Variants in PIGS observed in about 807,000 individuals in gnomAD.
PIGS encodes phosphatidylinositol glycan anchor biosynthesis class S.
PIGS carries 37 observed loss-of-function variants against 58.2 expected under a neutral mutation model. The ratio of observed to expected loss-of-function variants is 0.64; its 90% CI spans 0.49 to 0.84. PIGS has a LOEUF of 0.84. PIGS is among the 40% of genes least tolerant of loss of function. The pLI, the probability that PIGS is intolerant of heterozygous loss-of-function variation, is 0.00. For missense variants in PIGS, 629 were observed against 710.8 expected (o/e 0.88, Z 1.31); for synonymous variants, 269 against 289.2 (o/e 0.93, Z 0.71).
intron 5 of PIGS, chr17:28,561,861 C>T (rs2070366784): frequency 4.2e-6 from 2 of 472,582 alleles, no homozygotes; most frequent in Non-Finnish European, 7.5e-6. Context: ...CAGGCAGCAT[C>T]TAACTCTTCA....
intron 5 of PIGS, 87 bp downstream of exon 5, chr17:28,563,344 T>G: frequency 8.9e-7 from 1 of 1,121,934 alleles, no homozygotes. Context: ...ATGGAAGAAA[T>G]GGGTAGCAAT....
chr17:28,560,650 C>T (rs561227735), intron 6 of PIGS, among the ~76,000 whole-genome samples: 17 of 152,044 alleles, frequency 1.1e-4, no homozygotes, highest in Admixed American at 2.0e-4. Flanking sequence ...TGGTGGTGGG[C>T]GCCTGTAATC....
chr17:28,570,473 T>TG (rs2070420354), intron 3 of PIGS, among the ~76,000 whole-genome samples: 1 of 152,228 alleles, frequency 6.6e-6, no homozygotes, highest in Non-Finnish European at 1.5e-5. Flanking sequence ...ATGGCGCCAC[T>TG]GCACTCCAGC....
chr17:28,569,400 A>C (rs887597583), intron 3 of PIGS, among the ~76,000 whole-genome samples: 5 of 151,348 alleles, frequency 3.3e-5, no homozygotes, highest in Non-Finnish European at 1.5e-5. Flanking sequence ...GCTTGAGCCC[A>C]ATAGGTCAAG....
intron 10 of PIGS, chr17:28,555,354 C>T (rs987820280): frequency 7.7e-6 from 3 of 390,108 alleles, no homozygotes; most frequent in African/African-American, 6.4e-5. Context: ...ATAACACCAA[C>T]TCAGTTTAAT....
chr17:28,556,222 TG>T lies in PIGS; in HGVS notation c.1124del (p.Pro375GlnfsTer2). On this transcript the variant is annotated frameshift_variant, in exon 10 of 12. Transcript: ENST00000308360. LOFTEE classifies it high-confidence loss of function. ...DSKTYNASVL[P>X]VRVEVDMVRV... ...GCACCATGTCCACCTCGACTCTCAC[TG>T]GCAGCACTGAGGCATTATAGGTTTT... is the stretch of plus-strand genomic sequence containing the variant. The T allele has an allele frequency of 6.2e-7, 1 of 1,614,026 alleles. No homozygotes were observed. Among genetic ancestry groups the T allele is most frequent in the Non-Finnish European group, 8.5e-7 (1 of 1,179,902 alleles).
rs147358449 is a variant in PIGS, at chr17:28,571,148, C to A, written c.75G>T (p.Ala25=). Residue 25 remains alanine (A), a synonymous_variant, in exon 2 of 12, where the codon GCG becomes GCT. Transcript: ENST00000308360. ...GCGGTAGCCCCAGCACGATGGCCAC[C>A]GCAGCGAAGAAGAGGGCGGCGCGCT... ...RGKRAALFFA[A]VAIVLGLPLW... is the part of the protein sequence containing the mutation. 5.6e-6 allele frequency: 9 copies of A among 1,613,762 alleles called. No individual in the cohort carries two copies. The highest frequency in any genetic ancestry group is 7.6e-6 in the Non-Finnish European group (9 of 1,180,030).
chr17:28,559,899 C>A (rs989735548), intron 7 of PIGS, 150 bp downstream of exon 7: 3 of 1,005,540 alleles, frequency 3.0e-6, no homozygotes, highest in African/African-American at 1.7e-5. Flanking sequence ...CACACACGCA[C>A]CCCCAGTACC....
chr17:28,566,698 A>T (rs1041237527), intron 3 of PIGS, among the ~76,000 whole-genome samples: 4 of 151,834 alleles, frequency 2.6e-5, no homozygotes, highest in Non-Finnish European at 5.9e-5. Context: ...GGTTCAAGCA[A>T]TTCTCCTGTC....
At position 28,554,069 on chromosome 17, in the gene PIGS, G is replaced by T; in HGVS notation, c.*151C>A. On this transcript the variant is annotated 3_prime_UTR_variant, in exon 12 of 12. Transcript: ENST00000308360. ...AAGGAAGAAAAGATGAACCCATCTT[G>T]GAGTGTTGTACTTTGGTTGCTGGAG... 1 of 965,682 alleles carries T rather than the reference G, an allele frequency of 1.0e-6. No individual in the cohort carries two copies. Among genetic ancestry groups the T allele is most frequent in the Non-Finnish European group, 1.5e-6 (1 of 649,368 alleles). 59.8% of individuals were successfully genotyped at this position (965,682 alleles called of 1,614,324 possible).
At chr17:28,556,141 C>CT in intron 10 of PIGS, 25 bp downstream of exon 10, 1 of 1,583,408 alleles carries the variant, frequency 6.3e-7, no homozygotes, top group Middle Eastern at 1.7e-4. Flanking sequence ...GACTATGTCC[C>CT]CAAGTGGATC....
chr17:28,558,646 C>A, intron 7 of PIGS, 56 bp from the exon 8 acceptor site: 1 of 1,411,984 alleles, frequency 7.1e-7, no homozygotes, highest in Non-Finnish European at 9.8e-7. Context: ...TACTTTCTCC[C>A]AAAAAAGATT....
intron 5 of PIGS, 82 bp from the exon 6 acceptor site, chr17:28,561,711 C>A: frequency 7.1e-7 from 1 of 1,415,628 alleles, no homozygotes; most frequent in South Asian, 1.3e-5. Context: ...TGTTCCGAAT[C>A]TGCCCCTTTG....
At chr17:28,554,572 C>T in intron 11 of PIGS, 77 bp from the exon 12 acceptor site, 1 of 1,496,264 alleles carries the variant, frequency 6.7e-7, no homozygotes, top group Admixed American at 1.8e-5. Flanking sequence ...CCTTACTGTG[C>T]CTTCCATCTA....
chr17:28,554,920 G>A lies in PIGS; in HGVS notation c.1323C>T (p.Thr441=), dbSNP rs376669988. The A allele has an allele frequency of 6.2e-7, 1 of 1,613,936 alleles. No homozygotes were observed. The highest frequency in any genetic ancestry group is 1.3e-5 in the African/African-American group (1 of 74,916). Residue 441 remains threonine, a synonymous_variant, in exon 11 of 12, where the codon ACC becomes ACT. Coordinates refer to ENST00000308360, the MANE Select transcript of PIGS (RefSeq NM_033198.4). ...CCAGAAGCTGCGCCAGGGAGGTAAG[G>A]GTGGTGGTGGCTGTGGCCAGGTTCT... ...SVENLATATT[T]LTSLAQLLGK...
At chr17:28,571,361 G>T in intron 1 of PIGS, 102 bp downstream of exon 1, 1 of 1,541,788 alleles carries the variant, frequency 6.5e-7, no homozygotes, top group Non-Finnish European at 8.8e-7. Context: ...AGACCCCCGA[G>T]CCCCCCGTCC....
chr17:28,554,103 G>C lies in PIGS; in HGVS notation c.*117C>G, dbSNP rs1597581909. Reference sequence around the variant, plus strand: ...TACTTTGGTTGCTGGAGAGCCAACAGTGGAGACTGGAGACAAATATTTAAG... The same window carrying C: ...TACTTTGGTTGCTGGAGAGCCAACACTGGAGACTGGAGACAAATATTTAAG... On this transcript the variant is annotated 3_prime_UTR_variant, in exon 12 of 12. Transcript: ENST00000308360. 1 of 1,359,464 alleles carries C rather than the reference G, an allele frequency of 7.4e-7. No homozygotes were observed. Among genetic ancestry groups the C allele is most frequent in the East Asian group, 2.3e-5 (1 of 43,408 alleles). 84.2% of individuals were successfully genotyped at this position (1,359,464 alleles called of 1,614,324 possible). A position where few individuals can be genotyped will look rare whatever the true frequency, so the allele number is the denominator to read the frequency against.
Position 28,561,643 on chromosome 17 carries a change from C to A in PIGS, c.469-14G>T. ...GCTCATCATGTCCTGTGGGGGTGAGCAAGAGACAGAATGCCCATGGCTCAG... is the reference window on the plus strand; with the variant it reads ...GCTCATCATGTCCTGTGGGGGTGAGAAAGAGACAGAATGCCCATGGCTCAG... On this transcript the variant is annotated splice_polypyrimidine_tract_variant and intron_variant, in intron 5 of 11. Coordinates refer to ENST00000308360, the MANE Select transcript of PIGS (RefSeq NM_033198.4). The A allele has an allele frequency of 6.2e-7, 1 of 1,603,144 alleles. No individual in the cohort carries two copies. Among genetic ancestry groups the A allele is most frequent in the Non-Finnish European group, 8.5e-7 (1 of 1,173,820 alleles).
Position 28,563,427 on chromosome 17 carries a change from T to G in PIGS, c.468+4A>C. 6.2e-7 allele frequency: 1 copy of G among 1,613,182 alleles called. No individual in the cohort carries two copies. The highest frequency in any genetic ancestry group is 8.5e-7 in the Non-Finnish European group (1 of 1,179,116). On this transcript the variant is annotated splice_donor_region_variant and intron_variant, in intron 5 of 11. Coordinates refer to ENST00000308360, the MANE Select transcript of PIGS (RefSeq NM_033198.4). ...GCAAAGTCGCAGCCTCTCTGTTACC[T>G]TACCTGGGGAAGAAGTGAGGAGTGT... is the stretch of plus-strand genomic sequence containing the variant.
Sources: allele counts gnomAD v4.1 joint callset (sites outside exome capture counted in the v4.1 genomes callset), GRCh38; gene constraint gnomAD v4.1.1; transcripts MANE v1.5; gene names NCBI Gene and HGNC (gene_info 2026-07-23, HGNC 2026-07-21).